HPSE2: variants seen among roughly 807,000 people sequenced by gnomAD.
The protein encoded by HPSE2 is heparanase 2 (inactive), also known as inactive heparanase-2.
In HPSE2, 38 loss-of-function variants were observed where a neutral mutation model predicts 60.5. The observed-to-expected ratio is 0.63, with a 90% CI of 0.48 to 0.82. HPSE2 has a LOEUF of 0.82. Among genes scored for constraint, HPSE2 ranks in the 40% least tolerant of loss-of-function variants. HPSE2 has a pLI of 0.00. For missense variants in HPSE2, 713 were observed against 740.4 expected (o/e 0.96, Z 0.43); for synonymous variants, 295 against 293.2 (o/e 1.01, Z -0.06).
At chr10:99,219,509 C>T (rs1429090417) in intron 2 of HPSE2, among the ~76,000 whole-genome samples, 2 of 152,118 alleles carry the variant, frequency 1.3e-5, no homozygotes, top group Non-Finnish European at 2.9e-5. Flanking sequence ...CCCAACCACC[C>T]CCAAAACACA....
the HPSE2 span, among the ~76,000 whole-genome samples, chr10:99,245,481 TAGAG>T: frequency 5.3e-5 from 8 of 152,342 alleles, no homozygotes; most frequent in South Asian, 2.1e-4. Flanking sequence ...AAAGTTCAGA[TAGAG>T]AGGGACCATC....
chr10:98,509,371 T>C (rs1000068523), intron 9 of HPSE2, among the ~76,000 whole-genome samples: 2 of 152,120 alleles, frequency 1.3e-5, no homozygotes, highest in African/African-American at 2.4e-5. Flanking sequence ...AGATGAAAGA[T>C]GATAGTTTTG....
chr10:98,769,026 GAC>G (rs1292976096), intron 3 of HPSE2, among the ~76,000 whole-genome samples: 2 of 152,138 alleles, frequency 1.3e-5, no homozygotes, highest in Non-Finnish European at 2.9e-5. Context: ...CAGCCTGCAT[GAC>G]AGAGCAAGAC....
chr10:99,223,316 A>G (rs770304673), intron 2 of HPSE2, among the ~76,000 whole-genome samples: 29 of 152,310 alleles, frequency 1.9e-4, no homozygotes, highest in Admixed American at 3.9e-4. Context: ...TAAGCATTCA[A>G]TAACATTAAG....
chr10:99,295,419 T>C, the HPSE2 span, among the ~76,000 whole-genome samples: 2 of 152,156 alleles, frequency 1.3e-5, no homozygotes, highest in Non-Finnish European at 2.9e-5. Context: ...GAATTATGTA[T>C]TCAAACTTTG....
At chr10:98,838,174 G>T (rs1951834249) in intron 3 of HPSE2, among the ~76,000 whole-genome samples, 1 of 151,998 alleles carries the variant, frequency 6.6e-6, no homozygotes, top group African/African-American at 2.4e-5. Flanking sequence ...ATCCTCTTGT[G>T]ACTTGTGAAT....
intron 2 of HPSE2, among the ~76,000 whole-genome samples, chr10:99,145,227 C>T (rs564017505): frequency 1.2e-3 from 190 of 152,218 alleles, no homozygotes; most frequent in Middle Eastern, 0.01. Flanking sequence ...GAGGCCAAGG[C>T]GGGCAGATCA....
chr10:98,865,954 C>T (rs929304443), intron 3 of HPSE2, among the ~76,000 whole-genome samples: 3 of 152,102 alleles, frequency 2.0e-5, no homozygotes, highest in South Asian at 2.1e-4. Flanking sequence ...AAACATAGCT[C>T]AGAACAATAC....
intron 3 of HPSE2, among the ~76,000 whole-genome samples, chr10:99,132,614 G>A (rs1438803055): frequency 2.6e-5 from 4 of 152,090 alleles, no homozygotes; most frequent in African/African-American, 9.7e-5. Flanking sequence ...AGGGTGGGGT[G>A]TCGCCTCACC....
At chr10:98,564,244 C>A (rs11815889) in intron 9 of HPSE2, among the ~76,000 whole-genome samples, 41,927 of 152,058 alleles carry the variant, frequency 0.28, 6,200 homozygotes, top group East Asian at 0.48. Flanking sequence ...AGAGCGTAGG[C>A]TCTAGATCCA....
intron 3 of HPSE2, among the ~76,000 whole-genome samples, chr10:99,087,229 G>A (rs866175894): frequency 9.9e-5 from 15 of 152,234 alleles, no homozygotes; most frequent in African/African-American, 3.1e-4. Flanking sequence ...AGTAATGGGC[G>A]GGGCCCATAT....
intron 3 of HPSE2, among the ~76,000 whole-genome samples, chr10:99,011,678 C>T (rs761855998): frequency 1.5e-4 from 23 of 148,582 alleles, no homozygotes; most frequent in Non-Finnish European, 3.2e-4. Context: ...ATTGCTTGAA[C>T]CCAAGAGGCA....
chr10:98,606,009 C>T (rs1945574499), intron 9 of HPSE2, among the ~76,000 whole-genome samples: 1 of 152,236 alleles, frequency 6.6e-6, no homozygotes, highest in Non-Finnish European at 1.5e-5. Context: ...AACTTAGCAA[C>T]TGCTTCCTAC....
chr10:98,538,701 C>T (rs996912450), intron 9 of HPSE2, among the ~76,000 whole-genome samples: 2 of 152,020 alleles, frequency 1.3e-5, no homozygotes, highest in African/African-American at 4.8e-5. Flanking sequence ...AATGTGTAGC[C>T]AAGCTTGAGA....
intron 3 of HPSE2, among the ~76,000 whole-genome samples, chr10:98,844,657 C>A (rs917541390): frequency 6.6e-6 from 1 of 152,164 alleles, no homozygotes; most frequent in Non-Finnish European, 1.5e-5. Flanking sequence ...TTAGGAAAGT[C>A]GCTTAGCCTC....
chr10:98,792,245 C>T (rs1276323405), intron 3 of HPSE2, among the ~76,000 whole-genome samples: 2 of 151,932 alleles, frequency 1.3e-5, no homozygotes, highest in African/African-American at 4.8e-5. Flanking sequence ...TGTACACACT[C>T]ATTTTTCTTT....
intron 3 of HPSE2, among the ~76,000 whole-genome samples, chr10:99,085,287 G>A (rs1344498224): frequency 2.6e-5 from 4 of 152,172 alleles, no homozygotes; most frequent in Non-Finnish European, 4.4e-5. Context: ...TAAAGAAAAT[G>A]AGGTCTAGAG....
At chr10:98,616,519 GT>G (rs1945914257) in intron 8 of HPSE2, among the ~76,000 whole-genome samples, 1 of 151,830 alleles carries the variant, frequency 6.6e-6, no homozygotes, top group Non-Finnish European at 1.5e-5. Context: ...GAAGAATTAA[GT>G]TTTTTCCTTG....
chr10:99,205,666 A>G lies in HPSE2; in HGVS notation c.448+26682T>C, dbSNP rs117064613. ...TATATATCAAAACCTACACAAACAC[A>G]AACTGGACACGCCAATTCACAGTCA... On this transcript the variant is annotated intron_variant, in intron 2 of 11. Transcript: ENST00000370552. Among the ~76,000 whole-genome samples, 873 of 152,330 alleles carry G rather than the reference A, an allele frequency of 5.7e-3. 4 individuals are homozygous for G. Among genetic ancestry groups the G allele is most frequent in the Non-Finnish European group, 9.5e-3 (649 of 68,016 alleles).
Sources: allele counts gnomAD v4.1 joint callset (sites outside exome capture counted in the v4.1 genomes callset), GRCh38; gene constraint gnomAD v4.1.1; transcripts MANE v1.5; gene names NCBI Gene and HGNC (gene_info 2026-07-23, HGNC 2026-07-21).